GSG1L2: variants seen among roughly 807,000 people sequenced by gnomAD.
The protein encoded by GSG1L2 is GSG1 like 2, also known as germ cell-specific gene 1-like protein 2.
Under a neutral mutation model 9.0 loss-of-function variants are expected in GSG1L2, and 15 were observed. That is an observed-to-expected ratio of 1.67 (90% confidence interval 1.12 to 2.57). The LOEUF is 2.57. GSG1L2 is among the 30% of genes most tolerant of loss of function. The pLI is 0.00. For missense variants in GSG1L2, 286 were observed against 150.3 expected (o/e 1.90, Z -4.72); for synonymous variants, 127 against 57.9 (o/e 2.19, Z -5.41).
rs2066553652 is a variant in GSG1L2, at chr17:9,814,906, T to C, written c.311-4288A>G. Among the ~76,000 whole-genome samples the C allele has an allele frequency of 3.3e-5, 5 of 152,186 alleles. No individual in the cohort carries two copies. The South Asian group carries it at 1.0e-3, about 31-fold the overall frequency. On this transcript the variant is annotated intron_variant, in intron 1 of 4. Coordinates refer to ENST00000399363, the MANE Select transcript of GSG1L2 (RefSeq NM_001310219.2). ...TAGCAGAACAGCATAGAATCTAAAA[T>C]CCACACATTTTGTGGATTCACAAAC...
chr17:9,821,609 G>T (rs531533468), intron 1 of GSG1L2, among the ~76,000 whole-genome samples, 153 bp downstream of exon 1: 63 of 152,248 alleles, frequency 4.1e-4, no homozygotes, highest in Non-Finnish European at 6.8e-4. Flanking sequence ...GGAGATGAAG[G>T]ATTCAAACCC....
intron 1 of GSG1L2, among the ~76,000 whole-genome samples, chr17:9,815,649 A>G (rs1423219732): frequency 6.6e-6 from 1 of 152,248 alleles, no homozygotes; most frequent in Admixed American, 6.5e-5. Flanking sequence ...GTTGGACTTC[A>G]AGATACTTTT....
At chr17:9,819,122 C>T (rs1192219631) in intron 1 of GSG1L2, among the ~76,000 whole-genome samples, 1 of 152,124 alleles carries the variant, frequency 6.6e-6, no homozygotes, top group Non-Finnish European at 1.5e-5. Flanking sequence ...ACATGAGTAA[C>T]ACCAGATAAA....
chr17:9,810,203 A>C, intron 2 of GSG1L2: 1 of 282,198 alleles, frequency 3.5e-6, no homozygotes, highest in Non-Finnish European at 6.7e-6. Flanking sequence ...TTTAGAGAGA[A>C]GAAAAAACTG....
chr17:9,813,814 G>A (rs193136324), intron 1 of GSG1L2, among the ~76,000 whole-genome samples: 28 of 152,322 alleles, frequency 1.8e-4, no homozygotes, highest in African/African-American at 5.3e-4. Context: ...TTTCTGCCAC[G>A]GTCAGTCACC....
chr17:9,811,414 A>G (rs1472935547), intron 1 of GSG1L2, among the ~76,000 whole-genome samples: 34 of 152,226 alleles, frequency 2.2e-4, no homozygotes, highest in Admixed American at 2.2e-3. Flanking sequence ...TGTGAGTGTC[A>G]TCTGTCAGGT....
chr17:9,814,038 G>A (rs1291690956), intron 1 of GSG1L2, among the ~76,000 whole-genome samples: 6 of 151,840 alleles, frequency 4.0e-5, no homozygotes, highest in South Asian at 2.1e-4. Context: ...GGGTTCAAGC[G>A]ATTCTCCTGC....
At position 9,801,322 on chromosome 17, in the gene GSG1L2, C is replaced by T. The variant is rs1196629162; in HGVS notation, c.*1064G>A. 6.6e-6 allele frequency among the ~76,000 whole-genome samples: 1 copy of T among 152,124 alleles called. No individual in the cohort carries two copies. On this transcript the variant is annotated 3_prime_UTR_variant, in exon 5 of 5. Transcript: ENST00000399363. ...TCCCAGGTTCAAGCGATTTCCCTGC[C>T]TCAGCCTCCTGAGTAGCTGGGATTA...
At position 9,807,496 on chromosome 17, in the gene GSG1L2, G is replaced by A. The variant is rs1210704258; in HGVS notation, c.617C>T (p.Ser206Leu). The A allele has an allele frequency of 2.8e-6, 2 of 702,790 alleles. No individual in the cohort carries two copies. The highest frequency in any genetic ancestry group is 2.7e-5 in the East Asian group (1 of 37,264). The allele number at this position is 702,790 out of a possible 1,614,324, so 43.5% of individuals were successfully genotyped here. Residue 206 changes from serine (S) to leucine (L), a missense_variant, in exon 4 of 5, where the codon TCA (serine) becomes TTA (leucine). By Grantham distance (145) the Ser-to-Leu change is moderately radical. Coordinates refer to ENST00000399363, the MANE Select transcript of GSG1L2 (RefSeq NM_001310219.2). ...CCATGACCAAGCAACTTACCAATAT[G>A]ACCAGCCATAGTCCCAGGTCTGAGG... is the stretch of plus-strand genomic sequence containing the variant. Reference protein sequence around the residue: ...WKPQTWDYGWSYCLAWGSFAL... With the variant: ...WKPQTWDYGWLYCLAWGSFAL...
At chr17:9,803,588 GGACAAAGAACAACC>G (rs965016694) in intron 4 of GSG1L2, among the ~76,000 whole-genome samples, 4 of 152,146 alleles carry the variant, frequency 2.6e-5, no homozygotes, top group African/African-American at 7.2e-5. Context: ...GCTGTGTGGT[GGACAAAGAACAACC>G]TAGAGAAGAA....
rs2066501867 is a variant in GSG1L2, at chr17:9,802,699, C to T, written c.624-55G>A. ...GCTGAGGGCTGTGATTCCAGGACTTCCTGTTTTCTCCAGACTGGGGGTCAA... is the reference window on the plus strand; with the variant it reads ...GCTGAGGGCTGTGATTCCAGGACTTTCTGTTTTCTCCAGACTGGGGGTCAA... On this transcript the variant is annotated intron_variant, in intron 4 of 4. Coordinates refer to ENST00000399363, the MANE Select transcript of GSG1L2 (RefSeq NM_001310219.2). 2.5e-5 allele frequency: 17 copies of T among 679,104 alleles called. 1 individual carries two copies. The South Asian group carries it at 2.6e-4, about 10-fold the overall frequency. 42.1% of individuals were successfully genotyped at this position (679,104 alleles called of 1,614,324 possible).
At chr17:9,807,259 A>C (rs2066519309) in intron 4 of GSG1L2, among the ~76,000 whole-genome samples, 1 of 152,224 alleles carries the variant, frequency 6.6e-6, no homozygotes, top group African/African-American at 2.4e-5. Context: ...ATGTGCAAAG[A>C]GTTTTATAAA....
At position 9,801,383 on chromosome 17, in the gene GSG1L2, T is replaced by G. The variant is rs926639594; in HGVS notation, c.*1003A>C. 7.1e-5 allele frequency among the ~76,000 whole-genome samples: 10 copies of G among 141,556 alleles called. No individual in the cohort carries two copies. The highest frequency in any genetic ancestry group is 5.1e-5 in the African/African-American group (2 of 39,182). 92.9% of individuals were successfully genotyped at this position (141,556 alleles called of 152,430 possible). On this transcript the variant is annotated 3_prime_UTR_variant, in exon 5 of 5. Coordinates refer to ENST00000399363, the MANE Select transcript of GSG1L2 (RefSeq NM_001310219.2). ...CCACCATGCTTGGCTATTTTTGATGTTTTTTTTTTTTTAGTAGAGACAGGG... is the reference window on the plus strand; with the variant it reads ...CCACCATGCTTGGCTATTTTTGATGGTTTTTTTTTTTTAGTAGAGACAGGG...
chr17:9,808,726 T>C (rs1213474231), intron 3 of GSG1L2, 104 bp downstream of exon 3: 2 of 622,784 alleles, frequency 3.2e-6, no homozygotes, highest in East Asian at 2.8e-5. Flanking sequence ...TAAATGGCCA[T>C]TGATGGGAAA....
At chr17:9,814,575 C>G (rs1160955844) in intron 1 of GSG1L2, among the ~76,000 whole-genome samples, 1 of 152,156 alleles carries the variant, frequency 6.6e-6, no homozygotes, top group Non-Finnish European at 1.5e-5. Flanking sequence ...TCAGCTTGGG[C>G]CCAGAGTCAG....
Position 9,801,933 on chromosome 17 carries a change from C to G in GSG1L2, c.*453G>C, listed in dbSNP as rs897462283. Among the ~76,000 whole-genome samples, 2 of 152,128 alleles carry G rather than the reference C, an allele frequency of 1.3e-5. No homozygotes were observed. The highest frequency in any genetic ancestry group is 4.8e-5 in the African/African-American group (2 of 41,426). On this transcript the variant is annotated 3_prime_UTR_variant, in exon 5 of 5. Transcript: ENST00000399363. ...AATGAAAAAGAAAGTATGACATAGCCACACATACTTTATTGTGTGTGTCAA... is the reference window on the plus strand; with the variant it reads ...AATGAAAAAGAAAGTATGACATAGCGACACATACTTTATTGTGTGTGTCAA...
intron 4 of GSG1L2, chr17:9,804,513 C>G (rs1391310349): frequency 6.6e-6 from 1 of 152,232 alleles, no homozygotes; most frequent in African/African-American, 2.4e-5. Context: ...CAGCCCTTTC[C>G]TATGCCTAAC....
intron 1 of GSG1L2, among the ~76,000 whole-genome samples, chr17:9,816,928 G>GTGTGTGTCTC (rs1567711621): frequency 6.9e-6 from 1 of 144,734 alleles, no homozygotes; most frequent in South Asian, 2.2e-4. Flanking sequence ...GTGTGTGTGT[G>GTGTGTGTCTC]TGTGTGTGTG....
At chr17:9,812,198 C>T (rs1267088856) in intron 1 of GSG1L2, among the ~76,000 whole-genome samples, 1 of 152,140 alleles carries the variant, frequency 6.6e-6, no homozygotes, top group Non-Finnish European at 1.5e-5. Flanking sequence ...AGGTTCATGC[C>T]AGCTACCATT....
Sources: gnomAD v4.1 joint callset for allele counts (sites outside exome capture counted in the v4.1 genomes callset) on GRCh38, gnomAD v4.1.1 for gene constraint, MANE v1.5 for transcripts, NCBI Gene and HGNC (gene_info 2026-07-23, HGNC 2026-07-21) for gene names.